PTPRC: variants seen among roughly 807,000 people sequenced by gnomAD.
PTPRC encodes the protein receptor-type tyrosine-protein phosphatase C.
In PTPRC, 44 loss-of-function variants were observed where a neutral mutation model predicts 155.9. The ratio of observed to expected loss-of-function variants is 0.28; its 90% CI spans 0.22 to 0.36. The LOEUF is 0.36. PTPRC is among the 10% of genes least tolerant of loss of function. The pLI is 1.00. For missense variants in PTPRC, 1,401 were observed against 1,564.6 expected (o/e 0.90, Z 1.76); for synonymous variants, 525 against 533.1 (o/e 0.98, Z 0.21).
intron 13 of PTPRC, among the ~76,000 whole-genome samples, chr1:198,717,189 C>T (rs1227266316): frequency 6.6e-6 from 1 of 152,186 alleles, no homozygotes; most frequent in African/African-American, 2.4e-5. Context: ...AATCAGAAAC[C>T]TAACAATGTC....
At chr1:198,711,181 C>G (rs1653292047) in intron 11 of PTPRC, among the ~76,000 whole-genome samples, 1 of 152,142 alleles carries the variant, frequency 6.6e-6, no homozygotes, top group Non-Finnish European at 1.5e-5. Flanking sequence ...CTGCCTAAAT[C>G]CTTGTCTCCT....
At chr1:198,718,558 T>C (rs1483409628) in intron 14 of PTPRC, among the ~76,000 whole-genome samples, 1 of 152,232 alleles carries the variant, frequency 6.6e-6, no homozygotes, top group African/African-American at 2.4e-5. Context: ...AATTATTGCT[T>C]CTGTGTTAAG....
At chr1:198,736,967 T>C (rs1488555046) in intron 23 of PTPRC, among the ~76,000 whole-genome samples, 1 of 151,800 alleles carries the variant, frequency 6.6e-6, no homozygotes. Flanking sequence ...TTTATTTATC[T>C]GTTTACCATT....
rs142271674 is a variant in PTPRC, at chr1:198,677,173, C to G, written c.74-15174C>G. On this transcript the variant is annotated intron_variant, in intron 2 of 32. Transcript: ENST00000442510. ...CTATCCATTTTAAATTCTAAAAGCA[C>G]TTTACAGCTTGCTAATACATAGCCT... Among the ~76,000 whole-genome samples the G allele has an allele frequency of 3.4e-3, 511 of 152,274 alleles. 4 individuals carry two copies. Among genetic ancestry groups the G allele is most frequent in the African/African-American group, 0.011 (476 of 41,550 alleles).
intron 6 of PTPRC, among the ~76,000 whole-genome samples, chr1:198,702,895 C>A (rs895370394): frequency 6.6e-6 from 1 of 152,008 alleles, no homozygotes; most frequent in African/African-American, 2.4e-5. Flanking sequence ...AATAACACTC[C>A]TTTTTTAATT....
At chr1:198,643,324 C>T (rs1662747676) in intron 2 of PTPRC, among the ~76,000 whole-genome samples, 4 of 151,442 alleles carry the variant, frequency 2.6e-5, no homozygotes, top group Admixed American at 1.3e-4. Flanking sequence ...TTTCACCAGA[C>T]ACTGAATAAA....
intron 2 of PTPRC, among the ~76,000 whole-genome samples, chr1:198,646,921 G>A (rs1319141742): frequency 1.3e-5 from 2 of 151,746 alleles, no homozygotes; most frequent in Non-Finnish European, 1.5e-5. Flanking sequence ...TGTGCATTTA[G>A]GAAAAATAAA....
chr1:198,730,968 G>A (rs1654358054), intron 17 of PTPRC, among the ~76,000 whole-genome samples: 1 of 152,116 alleles, frequency 6.6e-6, no homozygotes, highest in Admixed American at 6.6e-5. Context: ...ATATGCGACA[G>A]CTTAAATTCT....
At chr1:198,754,206 A>T in intron 31 of PTPRC, 63 bp from the exon 32 acceptor site, 1 of 1,514,442 alleles carries the variant, frequency 6.6e-7, no homozygotes, top group Admixed American at 1.7e-5. Context: ...TCCTGTTTTT[A>T]TTCTAATATC....
intron 25 of PTPRC, among the ~76,000 whole-genome samples, chr1:198,743,572 G>A (rs1171759620): frequency 6.6e-6 from 1 of 151,284 alleles, no homozygotes; most frequent in Non-Finnish European, 1.5e-5. Flanking sequence ...TTGGCCCATT[G>A]GATTACAAAA....
At chr1:198,668,232 G>C (rs919458837) in intron 2 of PTPRC, among the ~76,000 whole-genome samples, 1 of 152,052 alleles carries the variant, frequency 6.6e-6, no homozygotes, top group Non-Finnish European at 1.5e-5. Flanking sequence ...TTGTTTTAGA[G>C]ACAGGGTCTC....
chr1:198,735,196 A>T lies in PTPRC; in HGVS notation c.2347A>T (p.Ile783Phe), dbSNP rs773525497. The change falls in exon 23 of 33, where the codon ATC becomes TTC. Residue 783 changes from isoleucine (I) to phenylalanine (F), a missense_variant. Around this residue, in one of 3 missense-constraint regions of PTPRC, gnomAD observed 867 missense variants for 970.4 expected, o/e 0.89. Transcript: ENST00000442510. ...TRAFGDVVVK[I>F]NQHKRCPDYI... ...GGCTTTTGGAGATGTTGTTGTAAAG[A>T]TCAACCAGCACAAAAGATGTCCAGA... 1.2e-6 allele frequency: 2 copies of T among 1,604,666 alleles called. No homozygotes were observed. Among genetic ancestry groups the T allele is most frequent in the East Asian group, 4.5e-5 (2 of 44,496 alleles).
chr1:198,735,118 A>T lies in PTPRC; in HGVS notation c.2278-9A>T. On this transcript the variant is annotated splice_polypyrimidine_tract_variant and intron_variant, in intron 22 of 32. Transcript: ENST00000442510. ...AAATTAAAATACTTAATAATTTTTT[A>T]AAATGTAGAACAAGTGTGCAGAATA... is the stretch of plus-strand genomic sequence containing the variant. 2 of 1,580,552 alleles carry T rather than the reference A, an allele frequency of 1.3e-6. No individual in the cohort carries two copies. The highest frequency in any genetic ancestry group is 1.7e-5 in the Admixed American group (1 of 57,716).
chr1:198,642,804 G>T (rs1333475219), intron 2 of PTPRC, among the ~76,000 whole-genome samples: 1 of 151,524 alleles, frequency 6.6e-6, no homozygotes, highest in East Asian at 1.9e-4. Flanking sequence ...CATTGCCTTT[G>T]GTATAAATTC....
At chr1:198,730,102 T>G (rs1654320036) in intron 17 of PTPRC, among the ~76,000 whole-genome samples, 1 of 152,190 alleles carries the variant, frequency 6.6e-6, no homozygotes, top group South Asian at 2.1e-4. Context: ...AAATGTGATT[T>G]CTGATCCAGT....
At chr1:198,699,482 A>G in intron 4 of PTPRC, 82 bp from the exon 5 acceptor site, 1 of 1,514,802 alleles carries the variant, frequency 6.6e-7, no homozygotes, top group Admixed American at 1.7e-5. Context: ...TATAATCGCA[A>G]TTTGCTCCTT....
chr1:198,716,670 A>G lies in PTPRC; in HGVS notation c.1292-12A>G, dbSNP rs750053788. On this transcript the variant is annotated splice_polypyrimidine_tract_variant and intron_variant, in intron 12 of 32. Coordinates refer to ENST00000442510, the MANE Select transcript of PTPRC (RefSeq NM_002838.5). ...TAACGACTTACTAATTTTTTTTCAC[A>G]TTTTTCCTCAGAAAAAGATTGCCTC... The G allele has an allele frequency of 1.2e-6, 2 of 1,610,368 alleles. No individual in the cohort carries two copies. The highest frequency in any genetic ancestry group is 2.2e-5 in the South Asian group (2 of 90,872).
Position 198,742,614 on chromosome 1 carries a change from A to G in PTPRC, c.2697+247A>G, listed in dbSNP as rs114746450. On this transcript the variant is annotated intron_variant, in intron 25 of 32. Coordinates refer to ENST00000442510, the MANE Select transcript of PTPRC (RefSeq NM_002838.5). ...ATTTTTAAAATAATGAACTACTGTTAACATATATCAGATTGGCAAAAAAAG... is the reference window on the plus strand; with the variant it reads ...ATTTTTAAAATAATGAACTACTGTTGACATATATCAGATTGGCAAAAAAAG... Among the ~76,000 whole-genome samples the G allele has an allele frequency of 0.018, 2,734 of 152,000 alleles. 71 individuals carry two copies. Among genetic ancestry groups the G allele is most frequent in the African/African-American group, 0.062 (2,586 of 41,508 alleles).
intron 2 of PTPRC, among the ~76,000 whole-genome samples, chr1:198,657,105 T>C (rs1284098337): frequency 6.6e-6 from 1 of 151,704 alleles, no homozygotes; most frequent in African/African-American, 2.4e-5. Flanking sequence ...AGATTAAATA[T>C]TTTGATTTAC....
Sources: gnomAD v4.1 joint callset for allele counts (sites outside exome capture counted in the v4.1 genomes callset) on GRCh38, gnomAD v4.1.1 for gene constraint, gnomAD v4.1.1 regional missense constraint, MANE v1.5 for transcripts, NCBI Gene and HGNC (gene_info 2026-07-23, HGNC 2026-07-21) for gene names.